PRH1: variants seen among roughly 807,000 people sequenced by gnomAD.
PRH1 encodes proline rich protein HaeIII subfamily 1, also known as salivary acidic proline-rich phosphoprotein 1/2.
A neutral mutation model predicts 7.9 loss-of-function variants in PRH1; 7 were observed. The ratio of observed to expected loss-of-function variants is 0.89; its 90% confidence interval spans 0.50 to 1.67. The LOEUF is 1.67. PRH1 is among the 40% of genes most tolerant of loss of function. The pLI, the probability that PRH1 is intolerant of heterozygous loss-of-function variation, is 0.00. For synonymous variants in PRH1, 45 were observed against 80.8 expected (o/e 0.56, Z 2.38); for missense variants, 109 against 223.6 (o/e 0.49, Z 3.27).
intron 1 of PRH1, among the ~76,000 whole-genome samples, chr12:11,131,510 G>A (rs1255660418): frequency 6.9e-6 from 1 of 145,396 alleles, no homozygotes; most frequent in Non-Finnish European, 1.5e-5. Flanking sequence ...GAAATGAAAT[G>A]CCATTTTTAT....
At chr12:11,025,479 CA>C (rs1347763631) in intron 1 of PRH1, among the ~76,000 whole-genome samples, 1 of 152,264 alleles carries the variant, frequency 6.6e-6, no homozygotes, top group Non-Finnish European at 1.5e-5. Context: ...AGCTACTTTT[CA>C]GATTTTCTAT....
intron 2 of PRH1, among the ~76,000 whole-genome samples, chr12:10,910,572 G>A (rs1466767186): frequency 6.6e-6 from 1 of 152,170 alleles, no homozygotes; most frequent in Admixed American, 6.6e-5. Context: ...TTTTTGGACT[G>A]TGGTTGACCT....
At chr12:10,942,395 C>G (rs1950416321) in intron 2 of PRH1, among the ~76,000 whole-genome samples, 1 of 152,056 alleles carries the variant, frequency 6.6e-6, no homozygotes, top group Non-Finnish European at 1.5e-5. Context: ...GCTGTGGCTG[C>G]TAGGGGGGAT....
intron 2 of PRH1, among the ~76,000 whole-genome samples, chr12:10,902,708 C>T (rs1232258091): frequency 1.3e-5 from 2 of 152,098 alleles, no homozygotes; most frequent in Non-Finnish European, 2.9e-5. Context: ...AGATTGGAGG[C>T]CTACTTTCAG....
In PRH1 at chr12:10,898,397, C is replaced by T. The variant is rs112593451; in HGVS notation, c.-58-14122G>A. The stretch of plus-strand genomic sequence containing the variant: ...TAAAAGAAAGGCTAATTGTGATAGG[C>T]AAACATGAAATGCAAACAAAACTGA... On this transcript the variant is annotated intron_variant, in intron 2 of 3. Coordinates refer to the PRH1 transcript ENST00000539853. Among the ~76,000 whole-genome samples, 721 of 152,186 alleles carry T rather than the reference C, an allele frequency of 4.7e-3. 7 individuals are homozygous for T. The highest frequency in any genetic ancestry group is 0.017 in the African/African-American group (692 of 41,526).
intron 1 of PRH1, among the ~76,000 whole-genome samples, chr12:11,099,931 G>A (rs1246091393): frequency 5.3e-5 from 8 of 152,286 alleles, no homozygotes; most frequent in Middle Eastern, 3.4e-3. Flanking sequence ...ATTAAGGCTA[G>A]AAGAAATCCT....
At chr12:10,950,987 G>A (rs1950561867) in intron 2 of PRH1, among the ~76,000 whole-genome samples, 1 of 152,104 alleles carries the variant, frequency 6.6e-6, no homozygotes, top group South Asian at 2.1e-4. Flanking sequence ...ATTTCTGAAT[G>A]TGCAGTAAAA....
intron 2 of PRH1, among the ~76,000 whole-genome samples, chr12:10,926,174 G>C (rs1203580905): frequency 6.6e-6 from 1 of 152,176 alleles, no homozygotes; most frequent in African/African-American, 2.4e-5. Context: ...AAGTCTCAGA[G>C]ACCATTGTGT....
At chr12:10,904,898 C>A (rs144152148) in intron 2 of PRH1, among the ~76,000 whole-genome samples, 1 of 151,870 alleles carries the variant, frequency 6.6e-6, no homozygotes, top group Admixed American at 6.6e-5. Flanking sequence ...AGAAGACATA[C>A]GAGCAGCCAA....
At chr12:10,996,050 T>G (rs1940211427) in intron 1 of PRH1, among the ~76,000 whole-genome samples, 1 of 151,920 alleles carries the variant, frequency 6.6e-6, no homozygotes, top group South Asian at 2.1e-4. Context: ...GAATTCATCA[T>G]GAATGTCTAT....
Position 10,892,810 on chromosome 12 carries a change from C to T in PRH1, c.-58-8535G>A, listed in dbSNP as rs189090618. On this transcript the variant is annotated intron_variant, in intron 2 of 3. Transcript: ENST00000539853. ...GAAGTATATTTTGTGAATTTTTCAC[C>T]CACAAATTATTTTAACTGGAAGCCA... Among the ~76,000 whole-genome samples, 23 of 152,016 alleles carry T rather than the reference C, an allele frequency of 1.5e-4. No homozygotes were observed. The East Asian group carries it at 2.3e-3, about 15-fold the overall frequency.
chr12:10,906,628 A>C (rs1403687268), intron 2 of PRH1, among the ~76,000 whole-genome samples: 1 of 152,184 alleles, frequency 6.6e-6, no homozygotes, highest in Non-Finnish European at 1.5e-5. Flanking sequence ...TTCTCATGGT[A>C]GTGAATAAGT....
At chr12:10,971,476 T>C (rs1030685832) in intron 2 of PRH1, among the ~76,000 whole-genome samples, 6 of 152,038 alleles carry the variant, frequency 3.9e-5, no homozygotes, top group Non-Finnish European at 7.4e-5. Context: ...TATACTATTA[T>C]ATAGGTATGC....
intron 1 of PRH1, among the ~76,000 whole-genome samples, chr12:11,169,364 C>T (rs1313786346): frequency 1.3e-5 from 2 of 152,180 alleles, no homozygotes; most frequent in Non-Finnish European, 2.9e-5. Context: ...AGAAGGAAAT[C>T]TTTCTTCAGC....
chr12:11,093,736 T>C (rs1474234734), intron 1 of PRH1, among the ~76,000 whole-genome samples: 1 of 115,584 alleles, frequency 8.7e-6, no homozygotes, highest in African/African-American at 2.9e-5. Flanking sequence ...ATTTCACTTA[T>C]TTTGATAAAC....
intron 1 of PRH1, among the ~76,000 whole-genome samples, chr12:11,142,570 G>C (rs1323441489): frequency 6.6e-6 from 1 of 152,084 alleles, no homozygotes; most frequent in African/African-American, 2.4e-5. Context: ...TTCAAAAAAA[G>C]GTACTATTGC....
intron 1 of PRH1, among the ~76,000 whole-genome samples, chr12:10,999,334 A>C (rs1021380389): frequency 6.6e-6 from 1 of 152,134 alleles, no homozygotes; most frequent in African/African-American, 2.4e-5. Flanking sequence ...ACTTTTGGAA[A>C]GATCTGGAGG....
chr12:11,046,846 A>C (rs1942917887), intron 1 of PRH1, among the ~76,000 whole-genome samples: 1 of 152,144 alleles, frequency 6.6e-6, no homozygotes, highest in South Asian at 2.1e-4. Context: ...CATTAGTTTT[A>C]CAACTTAGTC....
chr12:11,132,147 C>T (rs184339028), intron 1 of PRH1, among the ~76,000 whole-genome samples: 276 of 152,274 alleles, frequency 1.8e-3, no homozygotes, highest in African/African-American at 6.3e-3. Flanking sequence ...CAAGACTGTA[C>T]ATTTCCTTCT....
Sources: allele counts gnomAD v4.1 joint callset (sites outside exome capture counted in the v4.1 genomes callset), GRCh38; gene constraint gnomAD v4.1.1; transcripts MANE v1.5; gene names NCBI Gene and HGNC (gene_info 2026-07-23, HGNC 2026-07-21).